The following SLC44A5 variants were observed in gnomAD, a reference collection of about 807,000 sequenced individuals.
SLC44A5 encodes the protein solute carrier family 44 member 5.
SLC44A5 carries 57 observed loss-of-function variants against 101.8 expected under a neutral mutation model. The ratio of observed to expected loss-of-function variants is 0.56; its 90% CI spans 0.45 to 0.70. The LOEUF is 0.70. Ranked by LOEUF, SLC44A5 falls within the 30% of genes least tolerant of loss-of-function variation. SLC44A5 has a pLI of 0.00. For missense variants in SLC44A5, 737 were observed against 853.1 expected (o/e 0.86, Z 1.70); for synonymous variants, 281 against 290.9 (o/e 0.97, Z 0.35).
chr1:75,541,355 C>A, intron 2 of SLC44A5, 80 bp downstream of exon 2: 1 of 1,067,180 alleles, frequency 9.4e-7, no homozygotes, highest in South Asian at 1.3e-5. Flanking sequence ...TTCTATTTGT[C>A]CTTATTTAAT....
chr1:75,425,225 C>G (rs1664240279), intron 2 of SLC44A5, among the ~76,000 whole-genome samples: 2 of 152,200 alleles, frequency 1.3e-5, no homozygotes, highest in East Asian at 3.8e-4. Flanking sequence ...TGGGGAATAA[C>G]AAAGCCATGG....
At chr1:75,285,727 C>G (rs1435413982) in intron 5 of SLC44A5, among the ~76,000 whole-genome samples, 1 of 151,644 alleles carries the variant, frequency 6.6e-6, no homozygotes, top group Non-Finnish European at 1.5e-5. Flanking sequence ...TATTGTTGAC[C>G]CAATAATAAT....
the SLC44A5 span, among the ~76,000 whole-genome samples, chr1:75,707,732 A>G: frequency 6.6e-6 from 1 of 152,182 alleles, no homozygotes; most frequent in South Asian, 2.1e-4. Context: ...ATTCCTTGTA[A>G]AGGGTTTCCA....
intron 2 of SLC44A5, among the ~76,000 whole-genome samples, chr1:75,507,863 C>T (rs1008031099): frequency 6.6e-6 from 1 of 152,056 alleles, no homozygotes; most frequent in African/African-American, 2.4e-5. Flanking sequence ...CATTGGAACA[C>T]CCAGATTCAC....
upstream of SLC44A5, among the ~76,000 whole-genome samples, chr1:75,612,945 T>C (rs1675719207): frequency 1.3e-5 from 2 of 152,228 alleles, no homozygotes; most frequent in Non-Finnish European, 2.9e-5. Context: ...AAAGATTCCA[T>C]TGGCCTTTCT....
At chr1:75,495,700 A>G (rs895083885) in intron 2 of SLC44A5, among the ~76,000 whole-genome samples, 6 of 152,074 alleles carry the variant, frequency 3.9e-5, no homozygotes, top group African/African-American at 1.4e-4. Context: ...AAAAAGCAAA[A>G]AGAAAAAAAT....
At chr1:75,517,657 T>C (rs1397096370) in intron 2 of SLC44A5, among the ~76,000 whole-genome samples, 2 of 152,122 alleles carry the variant, frequency 1.3e-5, no homozygotes, top group Admixed American at 6.5e-5. Flanking sequence ...TTCACATAAA[T>C]AGAGGACATG....
intron 23 of SLC44A5, 128 bp downstream of exon 23, chr1:75,211,340 A>C: frequency 1.6e-6 from 1 of 625,726 alleles, no homozygotes; most frequent in Non-Finnish European, 2.8e-6. Context: ...ATCTCTTTCC[A>C]GATAAACACG....
the SLC44A5 span, among the ~76,000 whole-genome samples, chr1:75,676,879 A>T: frequency 1.3e-5 from 2 of 152,330 alleles, no homozygotes; most frequent in East Asian, 3.9e-4. Flanking sequence ...CAGAAAGAGA[A>T]AAGAAACAAG....
At chr1:75,566,245 G>A (rs971242403) in intron 1 of SLC44A5, among the ~76,000 whole-genome samples, 10 of 152,068 alleles carry the variant, frequency 6.6e-5, no homozygotes, top group South Asian at 2.1e-4. Flanking sequence ...AAAAATACAC[G>A]TGTGGCACCA....
the SLC44A5 span, among the ~76,000 whole-genome samples, chr1:75,678,601 A>C: frequency 6.7e-6 from 1 of 149,672 alleles, no homozygotes. Flanking sequence ...CCACACCAAA[A>C]ACCCATCTGT....
chr1:75,646,138 C>T, the SLC44A5 span, among the ~76,000 whole-genome samples: 2 of 134,528 alleles, frequency 1.5e-5, 1 homozygote, highest in Non-Finnish European at 3.3e-5. Context: ...TCCATATGAA[C>T]TTTAAAGTAG....
intron 1 of SLC44A5, among the ~76,000 whole-genome samples, chr1:75,567,437 T>A (rs1390567017): frequency 3.9e-5 from 6 of 151,976 alleles, no homozygotes; most frequent in African/African-American, 1.2e-4. Context: ...AAAAGAACAG[T>A]GAGAAAGAAG....
the SLC44A5 span, among the ~76,000 whole-genome samples, chr1:75,675,519 C>G: frequency 6.6e-6 from 1 of 151,948 alleles, no homozygotes; most frequent in South Asian, 2.1e-4. Context: ...TGGACTGAGA[C>G]GATCACTCCC....
At chr1:75,473,137 C>T (rs530789840) in intron 2 of SLC44A5, among the ~76,000 whole-genome samples, 1 of 152,198 alleles carries the variant, frequency 6.6e-6, no homozygotes, top group Non-Finnish European at 1.5e-5. Flanking sequence ...GAATTACAAT[C>T]TAGCATTCAG....
intron 7 of SLC44A5, among the ~76,000 whole-genome samples, chr1:75,243,778 G>T (rs1312661738): frequency 6.6e-6 from 1 of 152,040 alleles, no homozygotes; most frequent in Non-Finnish European, 1.5e-5. Context: ...TGGAGATGGG[G>T]CCTAATGGGA....
At chr1:75,416,192 C>T (rs1663630907) in intron 2 of SLC44A5, among the ~76,000 whole-genome samples, 1 of 152,146 alleles carries the variant, frequency 6.6e-6, no homozygotes, top group African/African-American at 2.4e-5. Flanking sequence ...TGGGCTACAC[C>T]CAGGGTCTCC....
At chr1:75,670,965 C>G in the SLC44A5 span, among the ~76,000 whole-genome samples, 1 of 152,160 alleles carries the variant, frequency 6.6e-6, no homozygotes, top group Admixed American at 6.6e-5. Flanking sequence ...GAAGTTTATA[C>G]TCACACATCC....
chr1:75,338,464 T>G (rs1318956127), intron 4 of SLC44A5, among the ~76,000 whole-genome samples: 1 of 152,206 alleles, frequency 6.6e-6, no homozygotes, highest in African/African-American at 2.4e-5. Flanking sequence ...GAATCTGATT[T>G]ATACCTAAAG....
Sources: gnomAD v4.1 joint callset for allele counts (sites outside exome capture counted in the v4.1 genomes callset) on GRCh38, gnomAD v4.1.1 for gene constraint, MANE v1.5 for transcripts, NCBI Gene and HGNC (gene_info 2026-07-23, HGNC 2026-07-21) for gene names.